Variants in FSTL5 observed in about 807,000 individuals in gnomAD.
The protein encoded by FSTL5 is follistatin like 5, also known as follistatin-related protein 5.
A neutral mutation model predicts 89.1 loss-of-function variants in FSTL5; 62 were observed. The observed-to-expected ratio is 0.70, with a 90% CI of 0.57 to 0.86. The LOEUF (loss-of-function observed/expected upper bound fraction) is 0.86. Among genes scored for constraint, FSTL5 ranks in the 40% least tolerant of loss-of-function variants. The pLI is 0.00. For synonymous variants in FSTL5, 383 were observed against 346.2 expected (o/e 1.11, Z -1.18); for missense variants, 1,057 against 1,001.6 (o/e 1.06, Z -0.75).
intron 2 of FSTL5, among the ~76,000 whole-genome samples, chr4:162,104,207 TC>T (rs1241224774): frequency 6.6e-6 from 1 of 152,224 alleles, no homozygotes; most frequent in Non-Finnish European, 1.5e-5. Flanking sequence ...TTGCCATTGT[TC>T]CTGCACGGCT....
intron 3 of FSTL5, among the ~76,000 whole-genome samples, chr4:161,976,408 T>G (rs1302168710): frequency 6.6e-6 from 1 of 152,178 alleles, no homozygotes; most frequent in Non-Finnish European, 1.5e-5. Context: ...TCAAAATTTC[T>G]CAGTGTGGGA....
chr4:161,599,961 A>T (rs538955656), intron 7 of FSTL5, among the ~76,000 whole-genome samples: 1 of 152,222 alleles, frequency 6.6e-6, no homozygotes, highest in African/African-American at 2.4e-5. Context: ...TATATTATTT[A>T]TGTATTGACA....
intron 2 of FSTL5, among the ~76,000 whole-genome samples, chr4:162,036,016 T>G (rs536319884): frequency 6.6e-6 from 1 of 152,118 alleles, no homozygotes; most frequent in Non-Finnish European, 1.5e-5. Context: ...GCTAACCCTA[T>G]TGAGTCTCCT....
intron 6 of FSTL5, among the ~76,000 whole-genome samples, chr4:161,747,427 GC>G (rs1740237982): frequency 6.6e-6 from 1 of 152,060 alleles, no homozygotes; most frequent in Admixed American, 6.5e-5. Flanking sequence ...ATACTAAAAT[GC>G]CTGATTTACT....
chr4:161,778,637 C>CA (rs1741509161), intron 4 of FSTL5, among the ~76,000 whole-genome samples: 1 of 152,136 alleles, frequency 6.6e-6, no homozygotes, highest in Non-Finnish European at 1.5e-5. Context: ...TTTTTCACAA[C>CA]AAAATGTAAA....
At chr4:161,963,349 A>G (rs944402356) in intron 3 of FSTL5, among the ~76,000 whole-genome samples, 2 of 151,900 alleles carry the variant, frequency 1.3e-5, no homozygotes, top group Non-Finnish European at 2.9e-5. Context: ...TTGGTTTTGA[A>G]GTTTTAAAAA....
chr4:161,900,767 C>T (rs560433613), intron 4 of FSTL5, among the ~76,000 whole-genome samples: 8 of 150,964 alleles, frequency 5.3e-5, no homozygotes, highest in Admixed American at 2.0e-4. Context: ...GATTAAAACA[C>T]ATCAGAATAG....
At chr4:161,405,315 T>C (rs1221484059) in intron 15 of FSTL5, among the ~76,000 whole-genome samples, 1 of 148,810 alleles carries the variant, frequency 6.7e-6, no homozygotes, top group Non-Finnish European at 1.5e-5. Flanking sequence ...AACAAAAAGC[T>C]AAAGGAAACT....
In FSTL5 at chr4:161,524,913, AC is replaced by A. The variant is rs1384643017; in HGVS notation, c.1312+13252del. 4.6e-5 allele frequency among the ~76,000 whole-genome samples: 7 copies of A among 151,404 alleles called. No homozygotes were observed. The East Asian group carries it at 1.4e-3, about 30-fold the overall frequency. On this transcript the variant is annotated intron_variant, in intron 10 of 15. Transcript: ENST00000306100. ...GGGGAGGTTGCAGTAAGCTGAGATC[AC>A]GCCACTGCACTCTAGCCTGGGCAAC...
At chr4:161,415,301 G>T (rs1454037756) in intron 15 of FSTL5, among the ~76,000 whole-genome samples, 2 of 151,954 alleles carry the variant, frequency 1.3e-5, no homozygotes, top group African/African-American at 4.8e-5. Context: ...TGTCGCCCAG[G>T]CTGGAGTGCA....
chr4:161,795,441 T>C (rs1729605175), intron 4 of FSTL5, among the ~76,000 whole-genome samples: 1 of 152,132 alleles, frequency 6.6e-6, no homozygotes, highest in Admixed American at 6.5e-5. Flanking sequence ...CCTACTGTTT[T>C]CCTGAGCTGA....
At chr4:161,804,570 T>G (rs902279191) in intron 4 of FSTL5, among the ~76,000 whole-genome samples, 22 of 151,958 alleles carry the variant, frequency 1.4e-4, no homozygotes, top group Middle Eastern at 3.4e-3. Flanking sequence ...ATACTTTCCC[T>G]ATTTATTATA....
rs539987319 is a variant in FSTL5 at position 161,588,742 on chromosome 4, C to A, written c.895-1167G>T. On this transcript the variant is annotated intron_variant, in intron 7 of 15. Coordinates refer to ENST00000306100, the MANE Select transcript of FSTL5 (RefSeq NM_020116.5). ...ATGTGGCATTTTAACTTTACTTCCT[C>A]AACAGCTCTCCACAGCTGCATGGTG... 4.5e-4 allele frequency among the ~76,000 whole-genome samples: 69 copies of A among 152,264 alleles called. 1 individual carries two copies. The highest frequency in any genetic ancestry group is 6.6e-4 in the Non-Finnish European group (45 of 68,022).
intron 4 of FSTL5, among the ~76,000 whole-genome samples, chr4:161,830,354 C>T (rs1730806184): frequency 6.6e-6 from 1 of 152,050 alleles, no homozygotes; most frequent in Admixed American, 6.6e-5. Flanking sequence ...TAAGGATTAA[C>T]AGTAAACATA....
chr4:161,515,602 T>C (rs2126507596), intron 10 of FSTL5, among the ~76,000 whole-genome samples: 1 of 150,912 alleles, frequency 6.6e-6, no homozygotes, highest in South Asian at 2.1e-4. Flanking sequence ...AATATAATTT[T>C]TCATTCCTTT....
chr4:162,014,265 T>G (rs1281992645), intron 3 of FSTL5, among the ~76,000 whole-genome samples: 1 of 152,214 alleles, frequency 6.6e-6, no homozygotes, highest in Non-Finnish European at 1.5e-5. Flanking sequence ...TTATTTGCTA[T>G]TTGCAATGTG....
chr4:161,392,234 AT>A (rs5863458), intron 15 of FSTL5, among the ~76,000 whole-genome samples: 7 of 149,052 alleles, frequency 4.7e-5, no homozygotes, highest in African/African-American at 1.7e-4. Flanking sequence ...ATTTTAATTA[AT>A]TTTTTTTTTT....
At chr4:161,890,662 T>C (rs975668572) in intron 4 of FSTL5, among the ~76,000 whole-genome samples, 1 of 131,190 alleles carries the variant, frequency 7.6e-6, no homozygotes, top group Non-Finnish European at 1.5e-5. Context: ...CACTCCAGCC[T>C]GGGCAGCAGA....
intron 12 of FSTL5, 79 bp from the exon 13 acceptor site, chr4:161,481,248 T>C (rs1729494854): frequency 3.8e-6 from 4 of 1,057,194 alleles, no homozygotes; most frequent in Non-Finnish European, 5.4e-6. Context: ...GTAAAATTAA[T>C]GTTTCATACT....
Sources: gnomAD v4.1 joint callset for allele counts (sites outside exome capture counted in the v4.1 genomes callset) on GRCh38, gnomAD v4.1.1 for gene constraint, MANE v1.5 for transcripts, NCBI Gene and HGNC (gene_info 2026-07-23, HGNC 2026-07-21) for gene names.